MGMT: variants seen among roughly 807,000 people sequenced by gnomAD.
MGMT encodes the protein O-6-methylguanine-DNA methyltransferase.
In MGMT, 14 loss-of-function variants were observed where a neutral mutation model predicts 15.9. The ratio of observed to expected loss-of-function variants is 0.88; its 90% CI spans 0.58 to 1.37. The LOEUF is 1.37. MGMT is among the 40% of genes most tolerant of loss of function. The pLI is 0.00. For synonymous variants in MGMT, 130 were observed against 118.2 expected (o/e 1.10, Z -0.65); for missense variants, 282 against 268.1 (o/e 1.05, Z -0.36).
chr10:129,467,384 C>A (rs1845180600), intron 1 of MGMT, 88 bp downstream of exon 1: 1 of 1,392,892 alleles, frequency 7.2e-7, no homozygotes, highest in Non-Finnish European at 9.3e-7. Context: ...CAGGCGCCCT[C>A]ACTTCGCCGT....
intron 2 of MGMT, among the ~76,000 whole-genome samples, chr10:129,585,151 T>C (rs936808041): frequency 1.3e-5 from 2 of 152,324 alleles, no homozygotes; most frequent in Admixed American, 6.5e-5. Context: ...TGTTGTCTTT[T>C]TGATTTTAGC....
intron 3 of MGMT, among the ~76,000 whole-genome samples, chr10:129,743,505 G>A (rs1848661709): frequency 6.6e-6 from 1 of 152,192 alleles, no homozygotes; most frequent in Non-Finnish European, 1.5e-5. Flanking sequence ...TCTGACAGAG[G>A]TGTCTGTGTT....
intron 2 of MGMT, among the ~76,000 whole-genome samples, chr10:129,608,571 A>G (rs1846920940): frequency 6.6e-6 from 1 of 152,254 alleles, no homozygotes; most frequent in Non-Finnish European, 1.5e-5. Flanking sequence ...TACGCTTAAA[A>G]AGTTTTATTT....
chr10:129,753,629 G>T (rs1365435556), intron 3 of MGMT, among the ~76,000 whole-genome samples: 1 of 151,944 alleles, frequency 6.6e-6, no homozygotes, highest in African/African-American at 2.4e-5. Flanking sequence ...TTTGGTTATT[G>T]TATTTTTCAA....
At chr10:129,525,525 A>G (rs7095030) in intron 1 of MGMT, among the ~76,000 whole-genome samples, 37,822 of 152,054 alleles carry the variant, frequency 0.25, 5,658 homozygotes, top group African/African-American at 0.43. Context: ...GAACCTTGCC[A>G]CCAGGGCTCA....
intron 4 of MGMT, among the ~76,000 whole-genome samples, chr10:129,764,265 G>A (rs2133189082): frequency 6.6e-6 from 1 of 151,128 alleles, no homozygotes; most frequent in South Asian, 2.1e-4. Flanking sequence ...AGATGGGGTC[G>A]AAGATGCAGC....
intron 1 of MGMT, among the ~76,000 whole-genome samples, chr10:129,499,095 A>G (rs551870927): frequency 6.6e-6 from 1 of 152,224 alleles, no homozygotes; most frequent in Admixed American, 6.5e-5. Context: ...GTTTGCTTAT[A>G]TGGTGGCTTC....
intron 2 of MGMT, among the ~76,000 whole-genome samples, chr10:129,560,962 T>C (rs1227784853): frequency 8.3e-5 from 9 of 108,052 alleles, no homozygotes; most frequent in African/African-American, 2.7e-4. Context: ...GCAGTGTGTG[T>C]GTGTGTGTGT....
rs1277928789 is a variant in MGMT at position 129,533,450 on chromosome 10, G to C, written c.-12-2791G>C. 6.6e-6 allele frequency among the ~76,000 whole-genome samples: 1 copy of C among 152,162 alleles called. No individual in the cohort carries two copies. Among genetic ancestry groups the C allele is most frequent in the Non-Finnish European group, 1.5e-5 (1 of 68,020 alleles). On this transcript the variant is annotated intron_variant, in intron 1 of 4. Transcript: ENST00000651593. The surrounding 1 kb of genome is among the most constrained non-coding windows in gnomAD (Gnocchi z 4.5). ...CAGCCCTGCCCGAACTGGGATGATA[G>C]AGCAGCAAACATGGCTCCATGGAGA...
intron 1 of MGMT, among the ~76,000 whole-genome samples, chr10:129,522,746 C>T (rs1050486564): frequency 6.6e-5 from 10 of 152,158 alleles, no homozygotes; most frequent in Non-Finnish European, 1.3e-4. Context: ...AATCCCATGT[C>T]GATGTCTGGA....
At chr10:129,683,804 C>G (rs911200851) in intron 2 of MGMT, among the ~76,000 whole-genome samples, 1 of 152,184 alleles carries the variant, frequency 6.6e-6, no homozygotes, top group Non-Finnish European at 1.5e-5. Flanking sequence ...AAAAGGAAAG[C>G]CCTCTGGAGA....
chr10:129,675,044 G>A (rs150445261), intron 2 of MGMT, among the ~76,000 whole-genome samples: 11 of 152,304 alleles, frequency 7.2e-5, no homozygotes, highest in African/African-American at 2.4e-4. Flanking sequence ...TCTGAACCAC[G>A]TGGAACAAGT....
chr10:129,667,127 T>C (rs1029795589), intron 2 of MGMT, among the ~76,000 whole-genome samples: 3 of 152,166 alleles, frequency 2.0e-5, no homozygotes, highest in Admixed American at 2.0e-4. Context: ...GCGCCTGCAG[T>C]GAATCTTTGT....
intron 2 of MGMT, among the ~76,000 whole-genome samples, chr10:129,661,402 G>T (rs897487152): frequency 9.2e-5 from 14 of 152,270 alleles, no homozygotes; most frequent in Admixed American, 8.5e-4. Flanking sequence ...ACTCTCAGCA[G>T]TAATAAAGAC....
At chr10:129,711,104 C>T (rs1848227793) in intron 3 of MGMT, among the ~76,000 whole-genome samples, 1 of 152,142 alleles carries the variant, frequency 6.6e-6, no homozygotes, top group Admixed American at 6.5e-5. Context: ...AGCCCTCATC[C>T]CTTCCTCAGG....
chr10:129,691,134 G>A (rs11016878), intron 2 of MGMT, among the ~76,000 whole-genome samples: 26,031 of 152,198 alleles, frequency 0.17, 2,571 homozygotes, highest in East Asian at 0.35. Flanking sequence ...TGTTCCCGGC[G>A]TGGGGAGAAG....
chr10:129,599,027 A>G (rs185389906), intron 2 of MGMT, among the ~76,000 whole-genome samples: 59 of 152,324 alleles, frequency 3.9e-4, no homozygotes, highest in African/African-American at 1.1e-3. Flanking sequence ...TAAAAGAAAA[A>G]CTTAAGCTGA....
At chr10:129,607,802 A>G (rs772646085) in intron 2 of MGMT, among the ~76,000 whole-genome samples, 4 of 152,198 alleles carry the variant, frequency 2.6e-5, no homozygotes, top group Admixed American at 6.5e-5. Flanking sequence ...TGATGTTGCA[A>G]TACTTGTGAA....
chr10:129,757,734 T>C (rs1848823403), intron 3 of MGMT, among the ~76,000 whole-genome samples: 2 of 152,194 alleles, frequency 1.3e-5, no homozygotes, highest in South Asian at 2.1e-4. Context: ...AACAGTGCAT[T>C]TGCCCAGGGA....
Sources: allele counts gnomAD v4.1 joint callset (sites outside exome capture counted in the v4.1 genomes callset), GRCh38; gene constraint gnomAD v4.1.1; non-coding constraint Gnocchi (gnomAD v3.1); transcripts MANE v1.5; gene names NCBI Gene and HGNC (gene_info 2026-07-23, HGNC 2026-07-21).